The following CCDC191 variants were observed in gnomAD, a reference collection of about 807,000 sequenced individuals.
CCDC191 encodes coiled-coil domain containing 191, also known as coiled-coil domain-containing protein 191.
CCDC191 carries 99 observed loss-of-function variants against 114.0 expected under a neutral mutation model. The observed-to-expected ratio is 0.87, with a 90% CI of 0.74 to 1.03. The LOEUF (loss-of-function observed/expected upper bound fraction) is 1.03. Ranked by LOEUF, CCDC191 falls within the 50% of genes least tolerant of loss-of-function variation. The pLI, the probability that CCDC191 is intolerant of heterozygous loss-of-function variation, is 0.00. For synonymous variants in CCDC191, 351 were observed against 376.0 expected (o/e 0.93, Z 0.77); for missense variants, 973 against 1,087.0 (o/e 0.90, Z 1.47).
In CCDC191 at chr3:113,980,778, G is replaced by T; in HGVS notation, c.2179C>A (p.Gln727Lys). Residue 727 changes from glutamine (Q) to lysine (K), a missense_variant, in exon 14 of 17, where the codon CAG becomes AAG. Gln to Lys is a moderately conservative substitution (Grantham distance 53). Coordinates refer to ENST00000295878, the MANE Select transcript of CCDC191 (RefSeq NM_020817.2). ...RLKKMKELEK[Q>K]KRIKRNQQLE... ...TGCTGGTTCCTCTTAATTCTCTTCT[G>T]CTTCTCAAGTTCTTTCTGGAAAAGA... The T allele has an allele frequency of 6.2e-7, 1 of 1,602,912 alleles. No homozygotes were observed. Among genetic ancestry groups the T allele is most frequent in the Non-Finnish European group, 8.5e-7 (1 of 1,177,132 alleles).
At position 113,982,863 on chromosome 3, in the gene CCDC191, A is replaced by AC. The variant is rs879827624; in HGVS notation, c.2164-2071_2164-2070insG. Among the ~76,000 whole-genome samples, 353 of 151,528 alleles carry AC rather than the reference A, an allele frequency of 2.3e-3. 1 individual carries two copies. Among genetic ancestry groups the AC allele is most frequent in the Non-Finnish European group, 3.8e-3 (256 of 67,858 alleles). ...CCTCTTCAAAACAAAAAAACAAAAA[A>AC]AAAAAAACCAAAAATAAAAAATAAC... is the stretch of plus-strand genomic sequence containing the variant. On this transcript the variant is annotated intron_variant, in intron 13 of 16. Coordinates refer to ENST00000295878, the MANE Select transcript of CCDC191 (RefSeq NM_020817.2).
intron 8 of CCDC191, among the ~76,000 whole-genome samples, chr3:114,015,108 C>T (rs2076137403): frequency 6.6e-6 from 1 of 152,072 alleles, no homozygotes; most frequent in South Asian, 2.1e-4. Flanking sequence ...CCTCAAATCT[C>T]TGTCACTCCC....
intron 4 of CCDC191, among the ~76,000 whole-genome samples, chr3:114,039,126 TTGATAA>T (rs1294400542): frequency 1.4e-4 from 21 of 152,180 alleles, no homozygotes; most frequent in African/African-American, 4.8e-4. Context: ...TACATAATAC[TTGATAA>T]TGATAATAAC....
At chr3:114,056,334 C>T (rs1020005708) in intron 1 of CCDC191, 43 bp downstream of exon 1, 5 of 1,597,746 alleles carry the variant, frequency 3.1e-6, no homozygotes, top group Non-Finnish European at 4.3e-6. Context: ...TGCGCCGCGC[C>T]TTGGGAAAGT....
At chr3:113,978,818 C>A (rs201239950) in intron 15 of CCDC191, 40 bp downstream of exon 15, 6 of 1,584,528 alleles carry the variant, frequency 3.8e-6, no homozygotes, top group Non-Finnish European at 8.6e-7. Context: ...TAGAATTGAG[C>A]AATGAGATGT....
At chr3:114,030,272 T>C (rs981996898) in intron 7 of CCDC191, among the ~76,000 whole-genome samples, 2 of 152,186 alleles carry the variant, frequency 1.3e-5, no homozygotes, top group Admixed American at 6.5e-5. Context: ...AAAATATATA[T>C]GATTGTACAG....
At chr3:113,971,176 C>T (rs1013820834) in intron 16 of CCDC191, among the ~76,000 whole-genome samples, 2 of 152,142 alleles carry the variant, frequency 1.3e-5, no homozygotes, top group Admixed American at 1.3e-4. Flanking sequence ...GTTTACAGTC[C>T]CACCAACAGT....
intron 9 of CCDC191, among the ~76,000 whole-genome samples, chr3:114,008,065 T>A (rs1439450435): frequency 2.0e-5 from 3 of 147,020 alleles, no homozygotes; most frequent in African/African-American, 7.4e-5. Flanking sequence ...TATATATAAA[T>A]TACTATATAT....
intron 14 of CCDC191, 64 bp from the exon 15 acceptor site, chr3:113,979,074 C>G: frequency 1.4e-6 from 2 of 1,466,426 alleles, no homozygotes; most frequent in Non-Finnish European, 1.9e-6. Flanking sequence ...ACAAACACAT[C>G]ACCTTTGGAA....
chr3:114,032,654 C>T (rs946064942), intron 6 of CCDC191, among the ~76,000 whole-genome samples: 2 of 152,120 alleles, frequency 1.3e-5, no homozygotes, highest in African/African-American at 2.4e-5. Context: ...AGTACCCTAC[C>T]CCTTCTCTCA....
chr3:114,056,337 G>A, intron 1 of CCDC191, 40 bp downstream of exon 1: 5 of 1,597,956 alleles, frequency 3.1e-6, no homozygotes, highest in Non-Finnish European at 3.4e-6. Context: ...GCCGCGCCTT[G>A]GGAAAGTCCC....
intron 13 of CCDC191, among the ~76,000 whole-genome samples, chr3:114,000,337 CT>C (rs1476685278): frequency 2.6e-5 from 4 of 152,176 alleles, no homozygotes; most frequent in Admixed American, 6.5e-5. Context: ...TTGGTCTTCT[CT>C]TGCTCTTTGA....
At chr3:113,981,970 G>A (rs2075168374) in intron 13 of CCDC191, among the ~76,000 whole-genome samples, 1 of 152,222 alleles carries the variant, frequency 6.6e-6, no homozygotes, top group African/African-American at 2.4e-5. Flanking sequence ...TGAGGGTTAA[G>A]TGGGGAGGAA....
At chr3:113,986,452 A>C (rs2075359461) in intron 13 of CCDC191, among the ~76,000 whole-genome samples, 1 of 152,222 alleles carries the variant, frequency 6.6e-6, no homozygotes, top group South Asian at 2.1e-4. Context: ...ACAAAACACA[A>C]AATCATATAT....
Position 114,056,400 on chromosome 3 carries a change from A to G in CCDC191, c.67T>C (p.Phe23Leu). ...ACCTTGGGACTCGGCTTCCTTGTGA[A>G]CCGTTTCCAGCGATTCAGCCCCATC... is the stretch of plus-strand genomic sequence containing the variant. ...KRMGLNRWKR[F>L]TRKPSPKPTF... is the part of the protein sequence containing the mutation. The change falls in exon 1 of 17, where the codon TTC becomes CTC. Residue 23 changes from phenylalanine to leucine, a missense_variant. Coordinates refer to ENST00000295878, the MANE Select transcript of CCDC191 (RefSeq NM_020817.2). 6.2e-7 allele frequency: 1 copy of G among 1,614,086 alleles called. No homozygotes were observed. The highest frequency in any genetic ancestry group is 8.5e-7 in the Non-Finnish European group (1 of 1,180,032).
intron 13 of CCDC191, among the ~76,000 whole-genome samples, chr3:113,998,306 CAA>C (rs61430954): frequency 0.032 from 2,605 of 82,612 alleles, 55 homozygotes; most frequent in African/African-American, 0.083. Context: ...AACTCTGCTT[CAA>C]AAAAAAAAAA....
chr3:114,040,702 T>C (rs937166245), intron 4 of CCDC191, among the ~76,000 whole-genome samples: 1 of 152,178 alleles, frequency 6.6e-6, no homozygotes, highest in Non-Finnish European at 1.5e-5. Context: ...CTCTTGTAGA[T>C]AGCATATGTA....
chr3:114,013,462 T>G (rs1329303461), intron 8 of CCDC191, among the ~76,000 whole-genome samples: 1 of 152,136 alleles, frequency 6.6e-6, no homozygotes, highest in Non-Finnish European at 1.5e-5. Flanking sequence ...AACATAAATA[T>G]TTCTAAAAGC....
chr3:114,011,139 T>A (rs2076063551), intron 8 of CCDC191, 118 bp from the exon 9 acceptor site: 2 of 1,092,592 alleles, frequency 1.8e-6, no homozygotes, highest in Non-Finnish European at 1.3e-6. Context: ...AGCTCTCGCT[T>A]AACATTTTAT....
Sources: allele counts gnomAD v4.1 joint callset (sites outside exome capture counted in the v4.1 genomes callset), GRCh38; gene constraint gnomAD v4.1.1; transcripts MANE v1.5; gene names NCBI Gene and HGNC (gene_info 2026-07-23, HGNC 2026-07-21).